Variants in KHDRBS2 observed in about 807,000 individuals in gnomAD.
The protein encoded by KHDRBS2 is KH RNA binding domain containing, signal transduction associated 2.
Under a neutral mutation model 44.3 loss-of-function variants are expected in KHDRBS2, and 26 were observed. The ratio of observed to expected loss-of-function variants is 0.59; its 90% CI spans 0.43 to 0.81. The LOEUF (loss-of-function observed/expected upper bound fraction) is 0.81, where lower values mean the gene tolerates loss of function less well. Among genes scored for constraint, KHDRBS2 ranks in the 40% least tolerant of loss-of-function variants. The pLI, the probability that KHDRBS2 is intolerant of heterozygous loss-of-function variation, is 0.00. For synonymous variants in KHDRBS2, 194 were observed against 151.1 expected (o/e 1.28, Z -2.08); for missense variants, 476 against 433.1 (o/e 1.10, Z -0.88).
intron 1 of KHDRBS2, among the ~76,000 whole-genome samples, chr6:62,250,256 A>C (rs907228280): frequency 4.6e-5 from 7 of 152,124 alleles, no homozygotes; most frequent in African/African-American, 1.7e-4. Flanking sequence ...GCTTATCCAC[A>C]TACATAACAT....
Position 61,836,076 on chromosome 6 carries a change from T to A in KHDRBS2, c.810+58559A>T, listed in dbSNP as rs546986230. Among the ~76,000 whole-genome samples, 4 of 152,080 alleles carry A rather than the reference T, an allele frequency of 2.6e-5. No homozygotes were observed. In the South Asian group the frequency reaches 8.3e-4, roughly 32 times the overall value. On this transcript the variant is annotated intron_variant, in intron 6 of 8. Transcript: ENST00000281156. ...AGATTAAGTACTATACTCAAAGTCA[T>A]CTGACTTAGGAGGAGTAGAGCTGAA...
At chr6:61,818,308 GGGAAGA>G (rs1376456116) in intron 6 of KHDRBS2, among the ~76,000 whole-genome samples, 1 of 149,598 alleles carries the variant, frequency 6.7e-6, no homozygotes, top group Non-Finnish European at 1.5e-5. Context: ...GCAGAGACAG[GGGAAGA>G]GAAAAGGATA....
intron 4 of KHDRBS2, 26 bp from the exon 5 acceptor site, chr6:61,901,397 G>T: frequency 6.4e-7 from 1 of 1,562,566 alleles, no homozygotes; most frequent in Admixed American, 1.7e-5. Flanking sequence ...GATGTGATGA[G>T]TTAAAAATGG....
At chr6:61,932,824 T>C (rs1438688196) in intron 4 of KHDRBS2, among the ~76,000 whole-genome samples, 2 of 152,118 alleles carry the variant, frequency 1.3e-5, no homozygotes, top group Non-Finnish European at 2.9e-5. Flanking sequence ...AGTGAAGTCA[T>C]ACAGTATTTG....
intron 2 of KHDRBS2, among the ~76,000 whole-genome samples, chr6:62,176,809 A>G (rs1821187376): frequency 6.6e-6 from 1 of 151,344 alleles, no homozygotes; most frequent in Admixed American, 6.6e-5. Context: ...TGATTTTCTA[A>G]TGTTACATAT....
At chr6:61,561,668 G>A in the KHDRBS2 span, among the ~76,000 whole-genome samples, 1 of 152,068 alleles carries the variant, frequency 6.6e-6, no homozygotes, top group Admixed American at 6.5e-5. Flanking sequence ...TATCACTGAT[G>A]TTCACTTAAG....
chr6:62,014,050 CAG>C (rs1780767896), intron 3 of KHDRBS2, among the ~76,000 whole-genome samples: 1 of 152,080 alleles, frequency 6.6e-6, no homozygotes. Flanking sequence ...TGGATTGTTG[CAG>C]AGAGTATGAA....
the KHDRBS2 span, among the ~76,000 whole-genome samples, chr6:61,582,320 C>A: frequency 6.6e-6 from 1 of 151,288 alleles, no homozygotes; most frequent in South Asian, 2.1e-4. Flanking sequence ...GCCTAGCAGG[C>A]CCATAGAAGA....
chr6:61,550,662 T>C, the KHDRBS2 span, among the ~76,000 whole-genome samples: 1 of 152,046 alleles, frequency 6.6e-6, no homozygotes, highest in African/African-American at 2.4e-5. Flanking sequence ...TAATTTACAT[T>C]CCCAAGAGCA....
rs200583579 is a variant in KHDRBS2, at chr6:62,181,637, TA to T, written c.92-4326del. Among the ~76,000 whole-genome samples, 12 of 151,790 alleles carry T rather than the reference TA, an allele frequency of 7.9e-5. No individual in the cohort carries two copies. The East Asian group carries it at 1.5e-3, about 20-fold the overall frequency. ...TATGAAAAACAGTATAGAGATTCCT[TA>T]AAAAAAATTAACCTACCATATGACC... is the stretch of plus-strand genomic sequence containing the variant. On this transcript the variant is annotated intron_variant, in intron 1 of 8. Transcript: ENST00000281156.
At chr6:61,625,642 C>T in the KHDRBS2 span, among the ~76,000 whole-genome samples, 1 of 152,074 alleles carries the variant, frequency 6.6e-6, no homozygotes, top group Non-Finnish European at 1.5e-5. Flanking sequence ...GTTCACCCTA[C>T]CCAAGCTCTC....
chr6:61,694,695 G>A (rs1469418786), intron 8 of KHDRBS2, among the ~76,000 whole-genome samples: 1 of 152,168 alleles, frequency 6.6e-6, no homozygotes, highest in Non-Finnish European at 1.5e-5. Context: ...TTTGGAGACA[G>A]CCTGGGATTT....
chr6:61,923,819 A>G (rs1248357126), intron 4 of KHDRBS2, among the ~76,000 whole-genome samples: 2 of 152,112 alleles, frequency 1.3e-5, no homozygotes, highest in African/African-American at 2.4e-5. Context: ...GGCTAATTGA[A>G]CAAGGCAAGA....
At chr6:61,647,885 A>C in the KHDRBS2 span, among the ~76,000 whole-genome samples, 4 of 152,174 alleles carry the variant, frequency 2.6e-5, no homozygotes, top group African/African-American at 7.2e-5. Flanking sequence ...TCACAATATT[A>C]GTTAGTTTTG....
chr6:61,964,525 G>T (rs146360067), intron 4 of KHDRBS2, among the ~76,000 whole-genome samples: 2 of 151,800 alleles, frequency 1.3e-5, no homozygotes, highest in Non-Finnish European at 2.9e-5. Flanking sequence ...TTTACACATC[G>T]AATTTTTAAT....
At chr6:62,062,166 C>A (rs916854843) in intron 2 of KHDRBS2, among the ~76,000 whole-genome samples, 1 of 148,454 alleles carries the variant, frequency 6.7e-6, no homozygotes, top group South Asian at 2.2e-4. Flanking sequence ...TAGACTCCCA[C>A]ACATTAATAA....
At chr6:61,775,657 G>A (rs543630875) in intron 6 of KHDRBS2, among the ~76,000 whole-genome samples, 1 of 152,278 alleles carries the variant, frequency 6.6e-6, no homozygotes, top group African/African-American at 2.4e-5. Flanking sequence ...ACAAACAAAT[G>A]GAAGAACATT....
chr6:62,001,019 C>T (rs1778136728), intron 3 of KHDRBS2, among the ~76,000 whole-genome samples: 1 of 152,124 alleles, frequency 6.6e-6, no homozygotes, highest in South Asian at 2.1e-4. Flanking sequence ...TGACAAGAGT[C>T]ACCATTTGTG....
chr6:61,704,919 G>C (rs1373076992), intron 7 of KHDRBS2, among the ~76,000 whole-genome samples: 3 of 151,688 alleles, frequency 2.0e-5, no homozygotes, highest in African/African-American at 7.3e-5. Flanking sequence ...TGAGAAAATT[G>C]ACATATTAAG....
Sources: allele counts gnomAD v4.1 joint callset (sites outside exome capture counted in the v4.1 genomes callset), GRCh38; gene constraint gnomAD v4.1.1; transcripts MANE v1.5; gene names NCBI Gene and HGNC (gene_info 2026-07-23, HGNC 2026-07-21).